SAMD4B: variants seen among roughly 807,000 people sequenced by gnomAD.
The protein encoded by SAMD4B is sterile alpha motif domain containing 4B.
A neutral mutation model predicts 74.5 loss-of-function variants in SAMD4B; 5 were observed. The ratio of observed to expected loss-of-function variants is 0.07; its 90% CI spans 0.04 to 0.14. SAMD4B has a LOEUF of 0.14. SAMD4B is among the 10% of genes least tolerant of loss of function. The pLI, the probability that SAMD4B is intolerant of heterozygous loss-of-function variation, is 1.00. For missense variants in SAMD4B, 608 were observed against 921.8 expected, an observed-to-expected ratio of 0.66 and a Z score of 4.41; for synonymous variants, 373 against 374.9, an observed-to-expected ratio of 1.00 and a Z score of 0.06.
chr19:39,354,422 A>G (rs753085999), intron 2 of SAMD4B, among the ~76,000 whole-genome samples: 3 of 152,078 alleles, frequency 2.0e-5, no homozygotes, highest in Non-Finnish European at 2.9e-5. Flanking sequence ...TTACCATCCT[A>G]TGAGCTGTTC....
chr19:39,366,716 G>A (rs1427707317), intron 3 of SAMD4B, among the ~76,000 whole-genome samples: 2 of 152,154 alleles, frequency 1.3e-5, no homozygotes, highest in Admixed American at 6.5e-5. Context: ...GCAAGGCCAG[G>A]TGTCCATCCT....
chr19:39,388,687 GA>G, downstream of SAMD4B: 1 of 1,612,970 alleles, frequency 6.2e-7, no homozygotes, highest in Non-Finnish European at 8.5e-7. Flanking sequence ...CTGGTTGGGG[GA>G]AAAGGAGTAG....
In SAMD4B at chr19:39,355,413, C is replaced by T. The variant is rs150728841; in HGVS notation, c.-205-1276C>T. ...GGCAAGTCACAGCTGTTGCCTAATG[C>T]ACCCCACAGCCCTCCTCAGCAAGCG... On this transcript the variant is annotated intron_variant, in intron 2 of 13. Transcript: ENST00000610417. Among the ~76,000 whole-genome samples the T allele has an allele frequency of 9.8e-5, 15 of 152,310 alleles. No individual in the cohort carries two copies. The East Asian group carries it at 1.7e-3, about 18-fold the overall frequency.
intron 1 of SAMD4B, among the ~76,000 whole-genome samples, chr19:39,346,116 AC>A (rs2075686223): frequency 1.3e-5 from 2 of 152,248 alleles, no homozygotes; most frequent in South Asian, 4.1e-4. Context: ...GGAAACAGAG[AC>A]CCCAGGGTAA....
Position 39,385,572 on chromosome 19 carries a change from C to G in SAMD4B, c.*2045C>G. 2.0e-6 allele frequency: 1 copy of G among 497,094 alleles called. No homozygotes were observed. 30.8% of individuals were successfully genotyped at this position (497,094 alleles called of 1,614,324 possible). The stretch of plus-strand genomic sequence containing the variant: ...CTACCCACTTCTGTCCCCGGCCCCA[C>G]TGGCAGAATCAGCTTTGAGTAACTG... On this transcript the variant is annotated 3_prime_UTR_variant, in exon 14 of 14. Coordinates refer to ENST00000610417, the MANE Select transcript of SAMD4B (RefSeq NM_001384574.2).
chr19:39,379,365 AAAC>A (rs1479596060), intron 9 of SAMD4B, among the ~76,000 whole-genome samples: 1 of 152,138 alleles, frequency 6.6e-6, no homozygotes, highest in Non-Finnish European at 1.5e-5. Context: ...CTGTCAGTTC[AAAC>A]ATTTATACCT....
intron 1 of SAMD4B, chr19:39,352,378 T>C (rs986380707): frequency 6.6e-6 from 1 of 152,022 alleles, no homozygotes; most frequent in East Asian, 1.9e-4. Flanking sequence ...ACCACAGGTA[T>C]GTCTTCTTCT....
At chr19:39,367,507 C>CTTTTTTTT (rs572713498) in intron 3 of SAMD4B, among the ~76,000 whole-genome samples, 27 of 110,802 alleles carry the variant, frequency 2.4e-4, no homozygotes, top group South Asian at 5.5e-4. Flanking sequence ...TTTTCTTTTT[C>CTTTTTTTT]TTTTTTTTTT....
chr19:39,390,725 C>A, the SAMD4B span: 4 of 1,329,944 alleles, frequency 3.0e-6, no homozygotes, highest in Non-Finnish European at 4.2e-6. Context: ...CGCTTCATGA[C>A]GTCACGGGCA....
intron 1 of SAMD4B, among the ~76,000 whole-genome samples, chr19:39,343,913 A>G (rs2075505830): frequency 6.7e-6 from 1 of 149,720 alleles, no homozygotes; most frequent in Non-Finnish European, 1.5e-5. Context: ...TTTTCTGAAG[A>G]TCCTCCTCAC....
intron 1 of SAMD4B, among the ~76,000 whole-genome samples, chr19:39,347,366 A>G (rs1373120124): frequency 6.6e-6 from 1 of 152,236 alleles, no homozygotes; most frequent in Admixed American, 6.5e-5. Flanking sequence ...CCTTAGAAAC[A>G]TATTTTGGGT....
chr19:39,369,586 C>T, intron 3 of SAMD4B, 69 bp from the exon 4 acceptor site: 1 of 1,227,490 alleles, frequency 8.1e-7, no homozygotes, highest in Non-Finnish European at 1.2e-6. Flanking sequence ...AGGCCATAGG[C>T]AGTGCTCTCA....
chr19:39,383,064 C>T lies in SAMD4B; in HGVS notation c.1973-144C>T. 1 of 713,388 alleles carries T rather than the reference C, an allele frequency of 1.4e-6. No individual in the cohort carries two copies. 44.2% of individuals were successfully genotyped at this position (713,388 alleles called of 1,614,324 possible). ...CCTGTTGTGTGACACGCTCGCCTCT[C>T]TCCCTGTCCACCTCCTCCCGTTCTT... On this transcript the variant is annotated intron_variant, in intron 12 of 13. Coordinates refer to ENST00000610417, the MANE Select transcript of SAMD4B (RefSeq NM_001384574.2). This position sits in a 1 kb window ranked among gnomAD's most constrained non-coding sequence, Gnocchi z 4.1.
At chr19:39,388,317 C>A, downstream of SAMD4B, 2 of 1,613,546 alleles carry the variant, frequency 1.2e-6, no homozygotes, top group South Asian at 2.2e-5. Flanking sequence ...CCAGGCTAAT[C>A]AGATAGGAGT....
At position 39,380,615 on chromosome 19, in the gene SAMD4B, A is replaced by G; in HGVS notation, c.1678A>G (p.Ile560Val). 6.2e-7 allele frequency: 1 copy of G among 1,614,136 alleles called. No individual in the cohort carries two copies. The highest frequency in any genetic ancestry group is 8.5e-7 in the Non-Finnish European group (1 of 1,180,010). The change falls in exon 11 of 14, where the codon ATA (isoleucine) becomes GTA (valine). Residue 560 changes from isoleucine (I) to valine (V), a missense_variant. By Grantham distance (29) the Ile-to-Val change is conservative (BLOSUM62 3). Coordinates refer to ENST00000610417, the MANE Select transcript of SAMD4B (RefSeq NM_001384574.2). ...GWAFGSNSLP[I>V]AGSVGMGVAR... is the part of the protein sequence containing the mutation. ...GGCATTCGGCTCCAACTCGCTCCCC[A>G]TAGCTGGCTCTGTGGGGATGGGAGT... is the stretch of plus-strand genomic sequence containing the variant.
In SAMD4B at chr19:39,383,033, C is replaced by T. The variant is rs1251669247; in HGVS notation, c.1973-175C>T. On this transcript the variant is annotated intron_variant, in intron 12 of 13. Coordinates refer to ENST00000610417, the MANE Select transcript of SAMD4B (RefSeq NM_001384574.2). The surrounding 1 kb of genome is among the most constrained non-coding windows in gnomAD (Gnocchi z 4.1). The stretch of plus-strand genomic sequence containing the variant: ...CAAGCCTCTGCCATTGCCATTGTCT[C>T]CTCTGCCTGTTGTGTGACACGCTCG... Among the ~76,000 whole-genome samples, 1 of 152,132 alleles carries T rather than the reference C, an allele frequency of 6.6e-6. No homozygotes were observed. Among genetic ancestry groups the T allele is most frequent in the Non-Finnish European group, 1.5e-5 (1 of 68,014 alleles).
chr19:39,355,437 C>T (rs1019839830), intron 2 of SAMD4B, among the ~76,000 whole-genome samples: 3 of 152,164 alleles, frequency 2.0e-5, no homozygotes, highest in African/African-American at 4.8e-5. Context: ...CCTCAGCAAG[C>T]GCACGGAAGT....
chr19:39,387,629 C>G (rs1016833795), downstream of SAMD4B, among the ~76,000 whole-genome samples: 12 of 152,184 alleles, frequency 7.9e-5, no homozygotes, highest in Admixed American at 5.9e-4. Context: ...AACTCTACAC[C>G]AGAGGTGCTG....
Position 39,385,585 on chromosome 19 carries a change from C to T in SAMD4B, c.*2058C>T, listed in dbSNP as rs908595922. ...TCCCCGGCCCCACTGGCAGAATCAG[C>T]TTTGAGTAACTGTACAGTTTTTCTC... is the stretch of plus-strand genomic sequence containing the variant. On this transcript the variant is annotated 3_prime_UTR_variant, in exon 14 of 14. Coordinates refer to ENST00000610417, the MANE Select transcript of SAMD4B (RefSeq NM_001384574.2). 3.0e-5 allele frequency: 15 copies of T among 501,554 alleles called. No individual in the cohort carries two copies. The highest frequency in any genetic ancestry group is 2.5e-4 in the African/African-American group (13 of 51,156). The allele number at this position is 501,554 out of a possible 1,614,324, so 31.1% of individuals were successfully genotyped here. A position where few individuals can be genotyped will look rare whatever the true frequency, so the allele number is the denominator to read the frequency against.
Sources: gnomAD v4.1 joint callset for allele counts (sites outside exome capture counted in the v4.1 genomes callset) on GRCh38, gnomAD v4.1.1 for gene constraint, Gnocchi (gnomAD v3.1) non-coding constraint, MANE v1.5 for transcripts, NCBI Gene and HGNC (gene_info 2026-07-23, HGNC 2026-07-21) for gene names.